CCDC138: variants seen among roughly 807,000 people sequenced by gnomAD.
The protein encoded by CCDC138 is coiled-coil domain-containing protein 138.
In CCDC138, 66 loss-of-function variants were observed where a neutral mutation model predicts 82.3. That is an observed-to-expected ratio of 0.80 (90% confidence interval 0.66 to 0.98). The LOEUF (loss-of-function observed/expected upper bound fraction) is 0.98. Among genes scored for constraint, CCDC138 ranks in the 50% least tolerant of loss-of-function variants. The pLI is 0.00. For missense variants in CCDC138, 816 were observed against 758.9 expected (o/e 1.08, Z -0.88); for synonymous variants, 297 against 265.4 (o/e 1.12, Z -1.16).
At chr2:108,808,502 T>G (rs1315065278) in intron 7 of CCDC138, among the ~76,000 whole-genome samples, 2 of 152,174 alleles carry the variant, frequency 1.3e-5, no homozygotes, top group Admixed American at 1.3e-4. Flanking sequence ...GTTTCCCTTC[T>G]CCACATCCTC....
Position 108,792,793 on chromosome 2 carries a change from G to A in CCDC138, c.394+991G>A, listed in dbSNP as rs1041284582. Among the ~76,000 whole-genome samples the A allele has an allele frequency of 3.9e-5, 6 of 152,196 alleles. No homozygotes were observed. In the East Asian group the frequency reaches 5.8e-4, roughly 15 times the overall value. On this transcript the variant is annotated intron_variant, in intron 4 of 14. Coordinates refer to ENST00000295124, the MANE Select transcript of CCDC138 (RefSeq NM_144978.3). ...AAACCACTGAGCGTCGGCCAGGCGC[G>A]GTGGCTCACGCCTGTAATCCCAGCA...
chr2:108,819,653 T>C (rs532848723), intron 10 of CCDC138, among the ~76,000 whole-genome samples: 11 of 152,202 alleles, frequency 7.2e-5, no homozygotes, highest in Non-Finnish European at 1.3e-4. Flanking sequence ...AGAATTTGGA[T>C]GGTCCCAAAA....
At chr2:108,788,125 A>C (rs1679226319) in intron 2 of CCDC138, 36 bp downstream of exon 2, 2 of 1,588,950 alleles carry the variant, frequency 1.3e-6, no homozygotes, top group East Asian at 4.5e-5. Flanking sequence ...GGGTTTCAAA[A>C]ATTTAATTTG....
chr2:108,820,720 C>CAAAAAAAA (rs60660055), intron 10 of CCDC138, among the ~76,000 whole-genome samples: 1 of 142,712 alleles, frequency 7.0e-6, no homozygotes, highest in Non-Finnish European at 1.5e-5. Context: ...AAAAAACAAA[C>CAAAAAAAA]AACAAAACTG....
chr2:108,826,921 A>G (rs1182435997), intron 10 of CCDC138, among the ~76,000 whole-genome samples: 1 of 152,198 alleles, frequency 6.6e-6, no homozygotes, highest in Non-Finnish European at 1.5e-5. Flanking sequence ...TCTTTCAGCT[A>G]TATTTTCTCG....
At chr2:108,869,737 A>G (rs1694954572) in intron 13 of CCDC138, among the ~76,000 whole-genome samples, 1 of 152,180 alleles carries the variant, frequency 6.6e-6, no homozygotes, top group Non-Finnish European at 1.5e-5. Context: ...ATGCATGCCC[A>G]GACAAGACCT....
chr2:108,878,085 TTAAAGA>T (rs1428954427), downstream of CCDC138, among the ~76,000 whole-genome samples: 4 of 152,240 alleles, frequency 2.6e-5, no homozygotes, highest in East Asian at 7.7e-4. Flanking sequence ...AAGAAATGAC[TTAAAGA>T]TTAATCAACT....
At chr2:108,821,886 C>G (rs1044220134) in intron 10 of CCDC138, among the ~76,000 whole-genome samples, 1 of 150,018 alleles carries the variant, frequency 6.7e-6, no homozygotes, top group South Asian at 2.1e-4. Flanking sequence ...TGAGATTGTG[C>G]CACTGCGCTC....
At chr2:108,880,146 C>T (rs1696248233), downstream of CCDC138, among the ~76,000 whole-genome samples, 1 of 149,874 alleles carries the variant, frequency 6.7e-6, no homozygotes, top group African/African-American at 2.5e-5. Flanking sequence ...AAAGCTATTT[C>T]TTTGAAAAGA....
chr2:108,851,728 T>A (rs1691541979), intron 12 of CCDC138, among the ~76,000 whole-genome samples: 1 of 152,190 alleles, frequency 6.6e-6, no homozygotes, highest in Non-Finnish European at 1.5e-5. Context: ...ATTAGAGTCC[T>A]GGCTTGGGCC....
intron 6 of CCDC138, among the ~76,000 whole-genome samples, chr2:108,800,449 G>GTTTA (rs1171711536): frequency 6.6e-6 from 1 of 151,722 alleles, no homozygotes; most frequent in Non-Finnish European, 1.5e-5. Flanking sequence ...ATTTTTAGTA[G>GTTTA]GGACGGGGTT....
At chr2:108,818,965 T>G (rs1685217164) in intron 10 of CCDC138, among the ~76,000 whole-genome samples, 1 of 152,146 alleles carries the variant, frequency 6.6e-6, no homozygotes, top group Non-Finnish European at 1.5e-5. Context: ...TTCAGTAACA[T>G]AAGGGTGGAA....
chr2:108,881,968 A>G (rs1355834139), intron 1 of CCDC138, among the ~76,000 whole-genome samples: 1 of 151,986 alleles, frequency 6.6e-6, no homozygotes, highest in African/African-American at 2.4e-5. Flanking sequence ...ACATAGCAAG[A>G]CCCTGTTTCT....
At chr2:108,824,066 G>A (rs918615876) in intron 10 of CCDC138, among the ~76,000 whole-genome samples, 4 of 152,082 alleles carry the variant, frequency 2.6e-5, no homozygotes, top group African/African-American at 9.7e-5. Context: ...CTCTGGGAGA[G>A]TCAGTGAGTG....
rs67529329 is a variant in CCDC138, at chr2:108,800,608, C to CT, written c.735+2052dup. 6.7e-3 allele frequency among the ~76,000 whole-genome samples: 226 copies of CT among 33,484 alleles called. 1 individual carries two copies. The highest frequency in any genetic ancestry group is 8.5e-3 in the Non-Finnish European group (178 of 20,934). 22.0% of individuals were successfully genotyped at this position (33,484 alleles called of 152,430 possible). Reference sequence around the variant, plus strand: ...GGCAGTGGTTCTCATCTCAGTTTAGCTTTTTTTTTTTTTTTTTTTTTTTTT... The same window carrying CT: ...GGCAGTGGTTCTCATCTCAGTTTAGCTTTTTTTTTTTTTTTTTTTTTTTTTT... On this transcript the variant is annotated intron_variant, in intron 6 of 14. Transcript: ENST00000295124.
chr2:108,800,896 C>T (rs1195939685), intron 6 of CCDC138, among the ~76,000 whole-genome samples: 42 of 117,752 alleles, frequency 3.6e-4, no homozygotes, highest in Non-Finnish European at 1.8e-4. Context: ...TTTGTTCTTG[C>T]GATAGTTTAC....
Position 108,788,835 on chromosome 2 carries a change from T to A in CCDC138, c.152-17T>A, listed in dbSNP as rs753956906. 1 of 1,613,832 alleles carries A rather than the reference T, an allele frequency of 6.2e-7. No homozygotes were observed. Among genetic ancestry groups the A allele is most frequent in the Non-Finnish European group, 8.5e-7 (1 of 1,179,916 alleles). ...TATTGTTGTGGTAATCTTTCATGGT[T>A]TCTTTGTCGTTGACAGGTGATTTGG... On this transcript the variant is annotated splice_polypyrimidine_tract_variant and intron_variant, in intron 2 of 14. Transcript: ENST00000295124.
At chr2:108,787,907 A>T in intron 1 of CCDC138, 125 bp from the exon 2 acceptor site, 1 of 806,916 alleles carries the variant, frequency 1.2e-6, no homozygotes, top group Non-Finnish European at 1.9e-6. Flanking sequence ...TCACTTGGTT[A>T]AGATGGTGTC....
intron 7 of CCDC138, 35 bp downstream of exon 7, chr2:108,805,043 C>T (rs369314688): frequency 1.0e-4 from 119 of 1,153,084 alleles, no homozygotes; most frequent in Non-Finnish European, 1.2e-4. Flanking sequence ...GAACATAAGA[C>T]ATTCTAAGAA....
Sources: allele counts gnomAD v4.1 joint callset (sites outside exome capture counted in the v4.1 genomes callset), GRCh38; gene constraint gnomAD v4.1.1; transcripts MANE v1.5; gene names NCBI Gene and HGNC (gene_info 2026-07-23, HGNC 2026-07-21).